CRYBG1: variants seen among roughly 807,000 people sequenced by gnomAD.
CRYBG1 encodes beta/gamma crystallin domain-containing protein 1.
In CRYBG1, 139 loss-of-function variants were observed where a neutral mutation model predicts 189.2. That is an observed-to-expected ratio of 0.73 (90% confidence interval 0.64 to 0.85). CRYBG1 has a LOEUF of 0.85. Among genes scored for constraint, CRYBG1 ranks in the 40% least tolerant of loss-of-function variants. The pLI, the probability that CRYBG1 is intolerant of heterozygous loss-of-function variation, is 0.00. For missense variants in CRYBG1, 2,611 were observed against 2,675.8 expected, an observed-to-expected ratio of 0.98 and a Z score of 0.53; for synonymous variants, 1,023 against 1,017.1, an observed-to-expected ratio of 1.01 and a Z score of -0.11.
intron 1 of CRYBG1, among the ~76,000 whole-genome samples, chr6:106,399,649 T>C (rs1770683990): frequency 8.8e-6 from 1 of 113,432 alleles, no homozygotes; most frequent in Non-Finnish European, 1.8e-5. Flanking sequence ...TTTTTTTTAG[T>C]TTTTCTTTCT....
intron 1 of CRYBG1, among the ~76,000 whole-genome samples, chr6:106,451,285 A>G (rs1771776977): frequency 6.6e-6 from 1 of 152,198 alleles, no homozygotes; most frequent in Non-Finnish European, 1.5e-5. Flanking sequence ...ACTGGGATTC[A>G]GTTCCCACTT....
At chr6:106,375,579 A>G (rs955369292) in intron 1 of CRYBG1, among the ~76,000 whole-genome samples, 2 of 152,284 alleles carry the variant, frequency 1.3e-5, no homozygotes, top group East Asian at 3.9e-4. Context: ...GCCCAAAGGT[A>G]CCACTTTATC....
At chr6:106,522,975 G>T (rs961034307) in intron 4 of CRYBG1, among the ~76,000 whole-genome samples, 1 of 152,128 alleles carries the variant, frequency 6.6e-6, no homozygotes, top group Admixed American at 6.6e-5. Flanking sequence ...GTTTGTATGG[G>T]TTCTGCCTAT....
chr6:106,444,417 G>C (rs954202417), intron 1 of CRYBG1, among the ~76,000 whole-genome samples: 1 of 152,198 alleles, frequency 6.6e-6, no homozygotes, highest in Non-Finnish European at 1.5e-5. Flanking sequence ...GCCGTTCCTT[G>C]AGGCACAGAC....
intron 8 of CRYBG1, among the ~76,000 whole-genome samples, chr6:106,531,726 TAAAC>T (rs1274051992): frequency 2.0e-5 from 3 of 152,150 alleles, no homozygotes; most frequent in Non-Finnish European, 4.4e-5. Flanking sequence ...AATGTACACT[TAAAC>T]AAATAAAGTG....
At chr6:106,555,265 C>T (rs527382572) in intron 16 of CRYBG1, among the ~76,000 whole-genome samples, 2 of 142,436 alleles carry the variant, frequency 1.4e-5, no homozygotes, top group South Asian at 4.9e-4. Context: ...ATGTTGATAC[C>T]AGAGAGGCTA....
At position 106,553,435 on chromosome 6, in the gene CRYBG1, TTC is replaced by T. The variant is rs1774454357; in HGVS notation, c.5473-18_5473-17del. The T allele has an allele frequency of 9.9e-6, 15 of 1,515,064 alleles. No individual in the cohort carries two copies. Among genetic ancestry groups the T allele is most frequent in the Non-Finnish European group, 1.4e-5 (15 of 1,090,474 alleles). The allele number at this position is 1,515,064 out of a possible 1,614,324, so 93.9% of individuals were successfully genotyped here. ...TGTTTAGGAAAATAATTTTATGTGT[TTC>T]TGTTTACTTTTTCAAAGATTCACTT... On this transcript the variant is annotated intron_variant, in intron 15 of 21. Transcript: ENST00000633556.
Position 106,361,091 on chromosome 6 carries a change from T to C in CRYBG1, c.173+10T>C, listed in dbSNP as rs1582719164. 1 of 1,534,060 alleles carries C rather than the reference T, an allele frequency of 6.5e-7. No individual in the cohort carries two copies. The highest frequency in any genetic ancestry group is 2.0e-5 in the Admixed American group (1 of 50,892). Reference sequence around the variant, plus strand: ...CTGCCGGAGAGGCCAGGTGAGCTCCTCGCCCGAGCCCTCCAGTCCCACCTC... The same window carrying C: ...CTGCCGGAGAGGCCAGGTGAGCTCCCCGCCCGAGCCCTCCAGTCCCACCTC... On this transcript the variant is annotated intron_variant, in intron 1 of 21. Coordinates refer to ENST00000633556, the MANE Select transcript of CRYBG1 (RefSeq NM_001371242.2).
At chr6:106,446,554 T>C (rs1038648160) in intron 1 of CRYBG1, among the ~76,000 whole-genome samples, 15 of 152,020 alleles carry the variant, frequency 9.9e-5, no homozygotes, top group African/African-American at 3.6e-4. Flanking sequence ...ATTTTGGATG[T>C]ACATTACTAT....
rs772159390 is a variant in CRYBG1 at position 106,541,600 on chromosome 6, T to C, written c.4860T>C (p.Val1620=). The C allele has an allele frequency of 6.2e-7, 1 of 1,611,730 alleles. No homozygotes were observed. Among genetic ancestry groups the C allele is most frequent in the Admixed American group, 1.7e-5 (1 of 60,004 alleles). Residue 1620 remains valine, a synonymous_variant, in exon 10 of 22, where the codon GTT becomes GTC. Transcript: ENST00000633556. ...GTTTTTTTCAGGGTGGCCGTAAAGT[T>C]GAATTCCCTACAGATCCAAAGGTAA... ...MRPLKMGGRK[V]EFPTDPKVVV...
At chr6:106,399,545 T>C (rs116287110) in intron 1 of CRYBG1, among the ~76,000 whole-genome samples, 1,827 of 152,326 alleles carry the variant, frequency 0.012, 23 homozygotes, top group African/African-American at 0.042. Flanking sequence ...TTAAAGGCCA[T>C]ATGGACCTAG....
chr6:106,398,788 T>C (rs1255650995), intron 1 of CRYBG1, among the ~76,000 whole-genome samples: 1 of 152,224 alleles, frequency 6.6e-6, no homozygotes, highest in African/African-American at 2.4e-5. Flanking sequence ...AGTCCCTCTG[T>C]CACAACTCCC....
intron 11 of CRYBG1, 137 bp downstream of exon 11, chr6:106,543,734 C>A: frequency 2.0e-6 from 2 of 992,228 alleles, no homozygotes; most frequent in Non-Finnish European, 3.0e-6. Context: ...ACATTCTCCT[C>A]AGCCTATAGT....
intron 14 of CRYBG1, 44 bp from the exon 15 acceptor site, chr6:106,552,136 GTGTT>G: frequency 6.6e-7 from 1 of 1,523,590 alleles, no homozygotes; most frequent in Non-Finnish European, 9.0e-7. Flanking sequence ...CTTTTTCAAT[GTGTT>G]TGTTCTATTC....
intron 1 of CRYBG1, among the ~76,000 whole-genome samples, chr6:106,373,722 A>G (rs1770090186): frequency 6.6e-6 from 1 of 152,178 alleles, no homozygotes. Flanking sequence ...ATTTTACCAG[A>G]CTGGAAATTT....
intron 1 of CRYBG1, among the ~76,000 whole-genome samples, chr6:106,381,364 G>A (rs1349737723): frequency 6.6e-6 from 1 of 152,172 alleles, no homozygotes; most frequent in East Asian, 1.9e-4. Flanking sequence ...CATTTCCTGG[G>A]TGTGTTACCT....
At chr6:106,452,606 C>T (rs1476800415) in intron 2 of CRYBG1, among the ~76,000 whole-genome samples, 2 of 152,040 alleles carry the variant, frequency 1.3e-5, no homozygotes, top group Non-Finnish European at 2.9e-5. Flanking sequence ...TTGTTCTTTC[C>T]TATAAAAAGC....
chr6:106,381,439 C>A (rs1471470685), intron 1 of CRYBG1, among the ~76,000 whole-genome samples: 1 of 152,016 alleles, frequency 6.6e-6, no homozygotes, highest in Non-Finnish European at 1.5e-5. Flanking sequence ...GTGCTAAAAA[C>A]CATATCCAGT....
At chr6:106,435,569 T>C (rs1218106829) in intron 1 of CRYBG1, among the ~76,000 whole-genome samples, 1 of 152,064 alleles carries the variant, frequency 6.6e-6, no homozygotes, top group East Asian at 1.9e-4. Flanking sequence ...CTCTGCAGTA[T>C]TGTTTTCCTT....
Sources: gnomAD v4.1 joint callset for allele counts (sites outside exome capture counted in the v4.1 genomes callset) on GRCh38, gnomAD v4.1.1 for gene constraint, MANE v1.5 for transcripts, NCBI Gene and HGNC (gene_info 2026-07-23, HGNC 2026-07-21) for gene names.